Variants in MAPDA observed in about 807,000 individuals in gnomAD.
The protein encoded by MAPDA is N6,N6-dimethyl-AMP deaminase.
the MAPDA span, among the ~76,000 whole-genome samples, chr15:43,350,226 C>T: frequency 6.7e-6 from 1 of 149,776 alleles, no homozygotes; most frequent in Admixed American, 6.7e-5. Context: ...CCACCACGCC[C>T]AGCTAATTTT....
the MAPDA span, chr15:43,336,661 C>T: frequency 2.6e-6 from 4 of 1,564,422 alleles, no homozygotes; most frequent in Non-Finnish European, 3.4e-6. Flanking sequence ...CATCAGCTTA[C>T]TAGTAGCCCT....
the MAPDA span, chr15:43,351,118 T>C: frequency 1.5e-6 from 2 of 1,370,986 alleles, no homozygotes; most frequent in African/African-American, 1.4e-5. Context: ...ACTATCTAGC[T>C]GACTGCCTTG....
the MAPDA span, among the ~76,000 whole-genome samples, chr15:43,344,106 G>T: frequency 1.8e-4 from 27 of 151,896 alleles, no homozygotes; most frequent in African/African-American, 6.5e-4. Context: ...CACAGGTAAG[G>T]GGGGAAAAAC....
the MAPDA span, chr15:43,330,451 T>C: frequency 1.3e-6 from 2 of 1,534,540 alleles, no homozygotes; most frequent in East Asian, 2.3e-5. Flanking sequence ...TGGTGTTCTG[T>C]ACCGCGCCTG....
At chr15:43,352,646 T>G in the MAPDA span, 1 of 152,262 alleles carries the variant, frequency 6.6e-6, no homozygotes, top group African/African-American at 2.4e-5. Context: ...TGTTTGAGGC[T>G]GCAGTGAGCT....
At chr15:43,336,862 CTG>C in the MAPDA span, among the ~76,000 whole-genome samples, 1 of 152,130 alleles carries the variant, frequency 6.6e-6, no homozygotes. Context: ...TACAGAAAAA[CTG>C]TGTTTCTTGT....
the MAPDA span, chr15:43,335,201 G>A: frequency 6.2e-7 from 1 of 1,607,044 alleles, no homozygotes. Context: ...ATCTTGAGTG[G>A]TTGCTAATTA....
the MAPDA span, chr15:43,335,750 A>G: frequency 1.9e-5 from 31 of 1,613,900 alleles, no homozygotes; most frequent in South Asian, 2.3e-4. Flanking sequence ...GAAGAAATTA[A>G]TAGCCCAGAA....
the MAPDA span, among the ~76,000 whole-genome samples, chr15:43,331,600 A>G: frequency 2.0e-5 from 3 of 152,236 alleles, no homozygotes; most frequent in Non-Finnish European, 2.9e-5. Context: ...GTATTTTCCA[A>G]TGTTTTCTTG....
chr15:43,349,886 G>A, the MAPDA span, among the ~76,000 whole-genome samples: 3 of 152,186 alleles, frequency 2.0e-5, no homozygotes, highest in African/African-American at 4.8e-5. Context: ...TGGTGTGGTG[G>A]CCTAGCTCTG....
chr15:43,345,764 G>A, the MAPDA span: 15 of 1,482,836 alleles, frequency 1.0e-5, no homozygotes, highest in East Asian at 2.3e-5. Context: ...TGTATTACAC[G>A]TAGTCTGCCA....
the MAPDA span, chr15:43,354,463 A>C: frequency 6.6e-6 from 1 of 152,230 alleles, no homozygotes; most frequent in East Asian, 1.9e-4. Flanking sequence ...TAATGACTGA[A>C]AGTGTTCATG....
the MAPDA span, chr15:43,346,985 A>G: frequency 2.9e-5 from 46 of 1,574,368 alleles, no homozygotes; most frequent in South Asian, 3.8e-4. Flanking sequence ...CAGAATTCTC[A>G]TGCATCCTTA....
chr15:43,335,394 G>A, the MAPDA span, among the ~76,000 whole-genome samples: 1 of 152,054 alleles, frequency 6.6e-6, no homozygotes, highest in Non-Finnish European at 1.5e-5. Flanking sequence ...AAATTCGCTG[G>A]GCTTGGTGGC....
chr15:43,331,754 A>G, the MAPDA span: 2 of 152,232 alleles, frequency 1.3e-5, no homozygotes, highest in Admixed American at 6.5e-5. Context: ...GGCAGAATCC[A>G]TGTTTCAGTG....
At chr15:43,341,199 A>G in the MAPDA span, among the ~76,000 whole-genome samples, 2 of 152,046 alleles carry the variant, frequency 1.3e-5, no homozygotes, top group Non-Finnish European at 2.9e-5. Flanking sequence ...TTGGGGGTAA[A>G]ATTTTTGAAA....
At chr15:43,351,087 G>C in the MAPDA span, 2 of 1,498,226 alleles carry the variant, frequency 1.3e-6, no homozygotes, top group Non-Finnish European at 1.8e-6. Flanking sequence ...TGCTCCCTGA[G>C]TTGCATTAAT....
the MAPDA span, chr15:43,330,459 C>T: frequency 6.5e-7 from 1 of 1,527,776 alleles, no homozygotes; most frequent in Admixed American, 2.3e-5. Flanking sequence ...TGTACCGCGC[C>T]TGCCCGACGC....
the MAPDA span, among the ~76,000 whole-genome samples, chr15:43,344,761 G>A: frequency 8.1e-5 from 12 of 148,916 alleles, no homozygotes; most frequent in East Asian, 6.0e-4. Context: ...AGCTGAGATC[G>A]TGCCATTTCA....
Sources: allele counts gnomAD v4.1 joint callset (sites outside exome capture counted in the v4.1 genomes callset), GRCh38; gene constraint gnomAD v4.1.1; transcripts MANE v1.5; gene names NCBI Gene and HGNC (gene_info 2026-07-23, HGNC 2026-07-21).